Variants in WIPF1 observed in about 807,000 individuals in gnomAD.
WIPF1 encodes WAS/WASL interacting protein family member 1, also known as WAS/WASL-interacting protein family member 1.
In WIPF1, 13 loss-of-function variants were observed where a neutral mutation model predicts 35.4. That is an observed-to-expected ratio of 0.37 (90% CI 0.24 to 0.58). WIPF1 has a LOEUF of 0.58. Among genes scored for constraint, WIPF1 ranks in the 20% least tolerant of loss-of-function variants. The pLI is 0.74. For synonymous variants in WIPF1, 267 were observed against 266.3 expected, an observed-to-expected ratio of 1.00 and a Z score of -0.02; for missense variants, 591 against 667.0, an observed-to-expected ratio of 0.89 and a Z score of 1.25.
chr2:174,588,182 G>C (rs1197519950), intron 1 of WIPF1, among the ~76,000 whole-genome samples: 1 of 152,242 alleles, frequency 6.6e-6, no homozygotes, highest in African/African-American at 2.4e-5. Context: ...TATGATCAGA[G>C]TTGGGAAAGG....
At chr2:174,652,577 T>C (rs1355160921) in intron 1 of WIPF1, among the ~76,000 whole-genome samples, 2 of 152,186 alleles carry the variant, frequency 1.3e-5, no homozygotes, top group African/African-American at 4.8e-5. Flanking sequence ...AGCAATCAGA[T>C]GCCCGAGGTT....
At chr2:174,658,490 C>T (rs1419748950) in intron 1 of WIPF1, among the ~76,000 whole-genome samples, 1 of 152,106 alleles carries the variant, frequency 6.6e-6, no homozygotes, top group Non-Finnish European at 1.5e-5. Flanking sequence ...TGGAGAGGGT[C>T]ATGGCTGAGC....
chr2:174,592,050 A>G (rs1000311885), intron 1 of WIPF1, among the ~76,000 whole-genome samples: 1 of 152,186 alleles, frequency 6.6e-6, no homozygotes, highest in African/African-American at 2.4e-5. Flanking sequence ...TTCTTCTTCA[A>G]TGTGCTCATC....
intron 3 of WIPF1, among the ~76,000 whole-genome samples, chr2:174,576,097 AAAC>A (rs1175521125): frequency 6.6e-6 from 1 of 151,854 alleles, no homozygotes; most frequent in African/African-American, 2.4e-5. Context: ...CTACGAAAAT[AAAC>A]AACAACAACA....
intron 1 of WIPF1, among the ~76,000 whole-genome samples, chr2:174,653,741 C>CAAAAAAAAAAAAAAAAAA (rs1175251483): frequency 1.7e-5 from 1 of 57,842 alleles, no homozygotes; most frequent in African/African-American, 5.6e-5. Flanking sequence ...GCCTCTGTCT[C>CAAAAAAAAAAAAAAAAAA]AAAAAAAAAA....
chr2:174,585,828 T>A (rs1385578001), intron 1 of WIPF1, among the ~76,000 whole-genome samples: 1 of 152,040 alleles, frequency 6.6e-6, no homozygotes, highest in African/African-American at 2.4e-5. Flanking sequence ...GGAGGCCACA[T>A]CCAGTGCCTT....
intron 5 of WIPF1, among the ~76,000 whole-genome samples, chr2:174,570,988 A>C (rs2105803484): frequency 6.6e-6 from 1 of 152,264 alleles, no homozygotes; most frequent in East Asian, 1.9e-4. Flanking sequence ...CCTCAGATCA[A>C]GGTTTCTCAA....
At chr2:174,629,863 G>C (rs1389931150) in intron 1 of WIPF1, 1 of 152,212 alleles carries the variant, frequency 6.6e-6, no homozygotes, top group East Asian at 1.9e-4. Context: ...TCTATCCATT[G>C]TTGGCCTGGA....
intron 1 of WIPF1, among the ~76,000 whole-genome samples, chr2:174,618,780 G>A (rs753607201): frequency 1.6e-4 from 24 of 152,178 alleles, no homozygotes; most frequent in Non-Finnish European, 3.5e-4. Context: ...TGCTCAGTCT[G>A]TGCCTCCCTG....
chr2:174,576,830 A>G (rs1012510728), intron 3 of WIPF1, among the ~76,000 whole-genome samples: 1 of 152,198 alleles, frequency 6.6e-6, no homozygotes, highest in Non-Finnish European at 1.5e-5. Context: ...TAAAAAAATT[A>G]TCTCTTAATT....
intron 1 of WIPF1, among the ~76,000 whole-genome samples, chr2:174,633,614 G>A (rs959051810): frequency 6.6e-6 from 1 of 152,240 alleles, no homozygotes. Context: ...TCTGAAAGCA[G>A]CAGGCCACTG....
intron 1 of WIPF1, among the ~76,000 whole-genome samples, chr2:174,633,123 C>T (rs989720681): frequency 2.0e-5 from 3 of 152,188 alleles, no homozygotes; most frequent in Non-Finnish European, 4.4e-5. Context: ...ACCACTAGGG[C>T]TGATATGTCC....
chr2:174,614,757 T>G (rs1354656583), intron 1 of WIPF1, among the ~76,000 whole-genome samples: 1 of 152,236 alleles, frequency 6.6e-6, no homozygotes, highest in Non-Finnish European at 1.5e-5. Context: ...TTTCCTACTA[T>G]CCAAGCTATA....
rs190865738 is a variant in WIPF1 at position 174,653,507 on chromosome 2, G to A, written c.-39+29267C>T. 2.7e-3 allele frequency among the ~76,000 whole-genome samples: 415 copies of A among 151,946 alleles called. 1 individual carries two copies. Among genetic ancestry groups the A allele is most frequent in the Non-Finnish European group, 3.8e-3 (260 of 67,960 alleles). ...TCCCAGCACTTTGGCAGGCCGAGGCGGGCAGATCATGAGGTCAGGAGATCG... is the reference window on the plus strand; with the variant it reads ...TCCCAGCACTTTGGCAGGCCGAGGCAGGCAGATCATGAGGTCAGGAGATCG... On this transcript the variant is annotated intron_variant, in intron 1 of 8. Transcript: ENST00000272746.
At chr2:174,657,282 T>C (rs554536813) in intron 1 of WIPF1, among the ~76,000 whole-genome samples, 3 of 152,370 alleles carry the variant, frequency 2.0e-5, no homozygotes, top group Admixed American at 1.3e-4. Context: ...TATACTGGAC[T>C]AATGCTTTGA....
chr2:174,650,081 C>CT (rs1345320568), intron 1 of WIPF1, among the ~76,000 whole-genome samples: 2 of 152,290 alleles, frequency 1.3e-5, no homozygotes, highest in East Asian at 3.9e-4. Context: ...TTTGTCAACA[C>CT]TTAAGGCAGT....
chr2:174,579,182 T>C (rs1172843511), intron 3 of WIPF1, among the ~76,000 whole-genome samples: 1 of 152,136 alleles, frequency 6.6e-6, no homozygotes, highest in African/African-American at 2.4e-5. Context: ...CACACCCGGC[T>C]AATTTTGTAT....
At chr2:174,594,793 T>C (rs538938741) in intron 1 of WIPF1, among the ~76,000 whole-genome samples, 1 of 147,404 alleles carries the variant, frequency 6.8e-6, no homozygotes, top group Admixed American at 6.9e-5. Flanking sequence ...AGCTTTATGA[T>C]ATAAGCAGAA....
At chr2:174,621,940 T>C (rs545276264) in intron 1 of WIPF1, among the ~76,000 whole-genome samples, 21 of 152,254 alleles carry the variant, frequency 1.4e-4, no homozygotes, top group Admixed American at 1.1e-3. Flanking sequence ...TTAAATGGAA[T>C]TTAATTTTAC....
Sources: gnomAD v4.1 joint callset for allele counts (sites outside exome capture counted in the v4.1 genomes callset) on GRCh38, gnomAD v4.1.1 for gene constraint, MANE v1.5 for transcripts, NCBI Gene and HGNC (gene_info 2026-07-23, HGNC 2026-07-21) for gene names.